CCDC126: variants seen among roughly 807,000 people sequenced by gnomAD.
CCDC126 encodes the protein coiled-coil domain containing 126.
CCDC126 carries 5 observed loss-of-function variants against 11.7 expected under a neutral mutation model. The ratio of observed to expected loss-of-function variants is 0.43; its 90% CI spans 0.22 to 0.90. CCDC126 has a LOEUF of 0.90. Ranked by LOEUF, CCDC126 falls within the 40% of genes least tolerant of loss-of-function variation. The probability of loss-of-function intolerance (pLI) is 0.27; values close to 1 mark genes in which losing one functional copy is unlikely to be tolerated. For missense variants in CCDC126, 150 were observed against 163.1 expected, an observed-to-expected ratio of 0.92 and a Z score of 0.44; for synonymous variants, 60 against 61.9, an observed-to-expected ratio of 0.97 and a Z score of 0.14.
In CCDC126 at chr7:23,598,052, G is replaced by C. The variant is rs765974002; in HGVS notation, c.-146+1G>C. The C allele has an allele frequency of 6.6e-6, 1 of 152,310 alleles. No homozygotes were observed. Among genetic ancestry groups the C allele is most frequent in the Non-Finnish European group, 1.5e-5 (1 of 68,102 alleles). 9.4% of individuals were successfully genotyped at this position (152,310 alleles called of 1,614,324 possible). A position where few individuals can be genotyped will look rare whatever the true frequency, so the allele number is the denominator to read the frequency against. ...TCAAAACTCATCTCCTGGGTGACTG[G>C]TAAGGATGAACTTAAACTGCCGTGT... On this transcript the variant is annotated splice_donor_variant, in intron 2 of 3. Coordinates refer to ENST00000307471, the MANE Select transcript of CCDC126 (RefSeq NM_138771.4). LOFTEE classifies it low-confidence loss of function (5UTR_SPLICE).
At chr7:23,640,320 A>G (rs905576089) in intron 3 of CCDC126, among the ~76,000 whole-genome samples, 1 of 151,578 alleles carries the variant, frequency 6.6e-6, no homozygotes, top group African/African-American at 2.4e-5. Context: ...CAACATGGAG[A>G]AACCCCACAT....
chr7:23,599,262 C>T (rs1338052802), intron 2 of CCDC126, among the ~76,000 whole-genome samples: 2 of 152,082 alleles, frequency 1.3e-5, no homozygotes, highest in African/African-American at 2.4e-5. Context: ...TTGTCAATCC[C>T]CTCATCCAAC....
At chr7:23,605,540 C>T (rs1351608005) in intron 2 of CCDC126, among the ~76,000 whole-genome samples, 1 of 152,086 alleles carries the variant, frequency 6.6e-6, no homozygotes, top group Non-Finnish European at 1.5e-5. Flanking sequence ...ACCATCACTA[C>T]CATCCATCTC....
At chr7:23,615,797 G>A (rs957044361) in intron 3 of CCDC126, among the ~76,000 whole-genome samples, 1 of 152,216 alleles carries the variant, frequency 6.6e-6, no homozygotes, top group African/African-American at 2.4e-5. Flanking sequence ...TATGAATTAA[G>A]TCTGCTGTCT....
chr7:23,614,366 T>C (rs2128016512), intron 3 of CCDC126, among the ~76,000 whole-genome samples: 1 of 152,334 alleles, frequency 6.6e-6, no homozygotes, highest in Non-Finnish European at 1.5e-5. Flanking sequence ...TATCATGAGA[T>C]TGCAGCAATT....
chr7:23,632,182 C>T (rs1193415953), intron 3 of CCDC126, among the ~76,000 whole-genome samples: 2 of 151,594 alleles, frequency 1.3e-5, no homozygotes, highest in Non-Finnish European at 2.9e-5. Flanking sequence ...AAACCTCTGC[C>T]TCCCAGGTTC....
chr7:23,604,125 A>C (rs1057164010), intron 2 of CCDC126: 2 of 152,208 alleles, frequency 1.3e-5, no homozygotes, highest in African/African-American at 4.8e-5. Context: ...GCAACATGCT[A>C]TTATGTCATC....
intron 2 of CCDC126, among the ~76,000 whole-genome samples, chr7:23,603,190 A>T (rs1251290676): frequency 6.6e-6 from 1 of 152,146 alleles, no homozygotes; most frequent in Non-Finnish European, 1.5e-5. Context: ...TTTACTTCAT[A>T]TGTTTTTATC....
rs575779151 is a variant in CCDC126 at position 23,644,422 on chromosome 7, A to G, written c.*1307A>G. The G allele has an allele frequency of 3.9e-5, 6 of 152,658 alleles. No individual in the cohort carries two copies. The highest frequency in any genetic ancestry group is 1.4e-4 in the African/African-American group (6 of 41,582). The allele number at this position is 152,658 out of a possible 1,614,324, so 9.5% of individuals were successfully genotyped here. ...TGCAGCTAGCTTCTAGATTTAGACT[A>G]TATAGAATTTAGATATTGTATTGTT... On this transcript the variant is annotated 3_prime_UTR_variant, in exon 4 of 4. Transcript: ENST00000307471.
chr7:23,624,337 G>C (rs1210554942), intron 3 of CCDC126, among the ~76,000 whole-genome samples: 1 of 152,174 alleles, frequency 6.6e-6, no homozygotes, highest in African/African-American at 2.4e-5. Context: ...TGATTTTCCT[G>C]AAATAATGAT....
At chr7:23,600,141 C>T (rs575210442) in intron 2 of CCDC126, among the ~76,000 whole-genome samples, 18 of 152,258 alleles carry the variant, frequency 1.2e-4, no homozygotes, top group Admixed American at 6.5e-4. Context: ...TTTGCCTTAA[C>T]ATTTTCTGTT....
At chr7:23,618,631 A>G (rs536902158) in intron 3 of CCDC126, among the ~76,000 whole-genome samples, 10 of 150,712 alleles carry the variant, frequency 6.6e-5, no homozygotes, top group African/African-American at 2.0e-4. Flanking sequence ...GCTCACTGCA[A>G]CATCCACCTC....
intron 3 of CCDC126, among the ~76,000 whole-genome samples, chr7:23,636,970 C>T (rs1783238867): frequency 1.6e-5 from 1 of 63,254 alleles, no homozygotes; most frequent in Non-Finnish European, 3.3e-5. Flanking sequence ...CCGGCCGCCC[C>T]TACTGGGAAG....
At chr7:23,625,219 G>A (rs1356979417) in intron 3 of CCDC126, among the ~76,000 whole-genome samples, 1 of 152,126 alleles carries the variant, frequency 6.6e-6, no homozygotes. Flanking sequence ...TTTTTTGTGT[G>A]TTTTATTTAG....
At chr7:23,630,676 G>A (rs1783093798) in intron 3 of CCDC126, among the ~76,000 whole-genome samples, 2 of 126,582 alleles carry the variant, frequency 1.6e-5, no homozygotes, top group Admixed American at 2.0e-4. Context: ...CCATGAGCAT[G>A]CTGCTGCACT....
chr7:23,640,736 T>C (rs1284687103), intron 3 of CCDC126, among the ~76,000 whole-genome samples: 1 of 152,158 alleles, frequency 6.6e-6, no homozygotes, highest in Non-Finnish European at 1.5e-5. Flanking sequence ...AATTGTACAA[T>C]ATTTGATTTG....
chr7:23,607,757 A>G (rs1366147268), intron 2 of CCDC126, among the ~76,000 whole-genome samples: 1 of 152,180 alleles, frequency 6.6e-6, no homozygotes, highest in African/African-American at 2.4e-5. Context: ...CCCTGGGGGT[A>G]ACGACTCAGG....
intron 3 of CCDC126, among the ~76,000 whole-genome samples, chr7:23,641,870 A>C (rs1308907614): frequency 1.3e-5 from 2 of 152,188 alleles, no homozygotes; most frequent in African/African-American, 4.8e-5. Context: ...CTAGTGTCCT[A>C]CTGCACTGAA....
chr7:23,615,117 A>G (rs1312651314), intron 3 of CCDC126, among the ~76,000 whole-genome samples: 1 of 152,196 alleles, frequency 6.6e-6, no homozygotes, highest in Non-Finnish European at 1.5e-5. Flanking sequence ...TTTTGTCTAC[A>G]CTGAAAATTT....
Sources: allele counts gnomAD v4.1 joint callset (sites outside exome capture counted in the v4.1 genomes callset), GRCh38; gene constraint gnomAD v4.1.1; transcripts MANE v1.5; gene names NCBI Gene and HGNC (gene_info 2026-07-23, HGNC 2026-07-21).